VPS37A: variants seen among roughly 807,000 people sequenced by gnomAD.
VPS37A encodes the protein vacuolar protein sorting-associated protein 37A.
In VPS37A, 30 loss-of-function variants were observed where a neutral mutation model predicts 49.8. The observed-to-expected ratio is 0.60, with a 90% CI of 0.45 to 0.82. The LOEUF (loss-of-function observed/expected upper bound fraction) is 0.82, where lower values mean the gene tolerates loss of function less well. Among genes scored for constraint, VPS37A ranks in the 40% least tolerant of loss-of-function variants. The pLI, the probability that VPS37A is intolerant of heterozygous loss-of-function variation, is 0.00. For synonymous variants in VPS37A, 195 were observed against 160.6 expected (o/e 1.21, Z -1.62); for missense variants, 593 against 464.4 (o/e 1.28, Z -2.55).
the VPS37A span, among the ~76,000 whole-genome samples, chr8:17,313,914 A>G: frequency 6.6e-6 from 1 of 152,202 alleles, no homozygotes; most frequent in South Asian, 2.1e-4. Context: ...CCTCTTGCCA[A>G]TAACCCCCAC....
chr8:17,250,147 G>A (rs185949027), intron 1 of VPS37A, among the ~76,000 whole-genome samples: 165 of 152,272 alleles, frequency 1.1e-3, no homozygotes, highest in African/African-American at 3.8e-3. Context: ...CCCAGGGGAG[G>A]AGGAATTCTG....
intron 10 of VPS37A, 112 bp downstream of exon 10, chr8:17,284,728 T>G: frequency 1.6e-6 from 2 of 1,275,832 alleles, no homozygotes; most frequent in Non-Finnish European, 2.1e-6. Context: ...CATCCCCCTT[T>G]TTTTGTACAA....
chr8:17,247,505 C>T (rs967534485), intron 1 of VPS37A, 136 bp downstream of exon 1: 2 of 1,238,854 alleles, frequency 1.6e-6, no homozygotes, highest in African/African-American at 1.5e-5. Flanking sequence ...GTGGGTCACA[C>T]GCTTGCTCTG....
chr8:17,305,737 A>C, downstream of VPS37A: 1 of 1,579,422 alleles, frequency 6.3e-7, no homozygotes, highest in African/African-American at 1.4e-5. Context: ...GTTAAACACC[A>C]AAAACACCAA....
At chr8:17,286,927 C>T (rs923086596) in intron 11 of VPS37A, among the ~76,000 whole-genome samples, 4 of 152,208 alleles carry the variant, frequency 2.6e-5, no homozygotes, top group Non-Finnish European at 4.4e-5. Flanking sequence ...AAAATTTGCT[C>T]TACTCCAGAA....
intron 1 of VPS37A, among the ~76,000 whole-genome samples, chr8:17,255,068 AC>A (rs1273698164): frequency 6.6e-6 from 1 of 152,110 alleles, no homozygotes; most frequent in Admixed American, 6.5e-5. Context: ...AGCACAAAAC[AC>A]CCCATATTCA....
chr8:17,332,841 C>A, the VPS37A span, among the ~76,000 whole-genome samples: 1 of 151,946 alleles, frequency 6.6e-6, no homozygotes, highest in East Asian at 1.9e-4. Context: ...TAAGTTTTTG[C>A]GTGTTTATCA....
At chr8:17,251,278 CAA>C (rs1349305241) in intron 1 of VPS37A, among the ~76,000 whole-genome samples, 1 of 152,190 alleles carries the variant, frequency 6.6e-6, no homozygotes, top group Non-Finnish European at 1.5e-5. Context: ...GCAATAGTAA[CAA>C]ATGACTGGGA....
chr8:17,317,940 G>C, the VPS37A span, among the ~76,000 whole-genome samples: 3 of 151,876 alleles, frequency 2.0e-5, no homozygotes, highest in Admixed American at 2.0e-4. Context: ...TCATTTCAGT[G>C]GGAAGTCAGG....
the VPS37A span, among the ~76,000 whole-genome samples, chr8:17,314,297 T>C: frequency 6.6e-6 from 1 of 152,168 alleles, no homozygotes; most frequent in Non-Finnish European, 1.5e-5. Flanking sequence ...ATTTTATTGT[T>C]CTCTGTGATG....
At chr8:17,313,007 A>T in the VPS37A span, among the ~76,000 whole-genome samples, 2 of 152,234 alleles carry the variant, frequency 1.3e-5, no homozygotes, top group African/African-American at 4.8e-5. Context: ...ATTTGGTTGT[A>T]TTCTACAGAA....
chr8:17,329,284 A>C, the VPS37A span, among the ~76,000 whole-genome samples: 2 of 152,194 alleles, frequency 1.3e-5, no homozygotes, highest in African/African-American at 4.8e-5. Flanking sequence ...GCAATGGTTT[A>C]TAATTTACTC....
chr8:17,300,493 T>C (rs1238351515), downstream of VPS37A, among the ~76,000 whole-genome samples: 1 of 152,324 alleles, frequency 6.6e-6, no homozygotes, highest in African/African-American at 2.4e-5. Context: ...CAGTGAACCC[T>C]AGTCTCCCTC....
At chr8:17,307,158 T>C (rs1231107986), downstream of VPS37A, among the ~76,000 whole-genome samples, 1 of 151,850 alleles carries the variant, frequency 6.6e-6, no homozygotes, top group Non-Finnish European at 1.5e-5. Flanking sequence ...AGGGCTAAAA[T>C]CCAGAATCTA....
chr8:17,332,149 A>G, the VPS37A span, among the ~76,000 whole-genome samples: 1 of 152,190 alleles, frequency 6.6e-6, no homozygotes, highest in Non-Finnish European at 1.5e-5. Context: ...TTCGCTGACC[A>G]TTCTCCTCCT....
chr8:17,286,564 G>T, intron 11 of VPS37A, 137 bp downstream of exon 11: 1 of 655,872 alleles, frequency 1.5e-6, no homozygotes, highest in Non-Finnish European at 2.5e-6. Flanking sequence ...AACATAGAAT[G>T]CTTTGTATTA....
downstream of VPS37A, among the ~76,000 whole-genome samples, chr8:17,304,854 G>A (rs555647446): frequency 9.2e-5 from 14 of 151,594 alleles, no homozygotes; most frequent in East Asian, 2.3e-3. Flanking sequence ...AATGTTCCAC[G>A]TTTTCTCTCA....
chr8:17,258,907 AG>A (rs1812727974), intron 1 of VPS37A, among the ~76,000 whole-genome samples: 1 of 152,008 alleles, frequency 6.6e-6, no homozygotes, highest in African/African-American at 2.4e-5. Flanking sequence ...TATAATTCAT[AG>A]TGGTGCCTAA....
At chr8:17,311,492 G>A in the VPS37A span, 70 of 1,613,642 alleles carry the variant, frequency 4.3e-5, no homozygotes, top group Non-Finnish European at 5.5e-5. Context: ...TGTGGGAATC[G>A]CCCAGTGGCC....
Sources: gnomAD v4.1 joint callset for allele counts (sites outside exome capture counted in the v4.1 genomes callset) on GRCh38, gnomAD v4.1.1 for gene constraint, MANE v1.5 for transcripts, NCBI Gene and HGNC (gene_info 2026-07-23, HGNC 2026-07-21) for gene names.